Variants in IL10RB observed in about 807,000 individuals in gnomAD.
IL10RB encodes the protein interleukin-10 receptor subunit beta.
Under a neutral mutation model 38.7 loss-of-function variants are expected in IL10RB, and 30 were observed. The observed-to-expected ratio is 0.78, with a 90% CI of 0.58 to 1.05. The LOEUF (loss-of-function observed/expected upper bound fraction) is 1.05. Among genes scored for constraint, IL10RB ranks in the 50% least tolerant of loss-of-function variants. IL10RB has a pLI of 0.00. For synonymous variants in IL10RB, 142 were observed against 145.9 expected, an observed-to-expected ratio of 0.97 and a Z score of 0.19; for missense variants, 328 against 397.1, an observed-to-expected ratio of 0.83 and a Z score of 1.48.
chr21:33,280,525 A>T (rs1270822420), intron 4 of IL10RB, among the ~76,000 whole-genome samples: 1 of 152,194 alleles, frequency 6.6e-6, no homozygotes, highest in Non-Finnish European at 1.5e-5. Flanking sequence ...AATAATAGAA[A>T]ATATAAACTC....
chr21:33,280,975 A>G (rs1989270253), intron 4 of IL10RB, among the ~76,000 whole-genome samples: 1 of 152,228 alleles, frequency 6.6e-6, no homozygotes, highest in Admixed American at 6.5e-5. Flanking sequence ...TATAAACACT[A>G]GAAATTTATT....
At chr21:33,294,784 C>T (rs550474330) in intron 6 of IL10RB, among the ~76,000 whole-genome samples, 113 of 152,220 alleles carry the variant, frequency 7.4e-4, no homozygotes, top group African/African-American at 2.7e-3. Context: ...GAAGGTTCTC[C>T]GTCTAATTGT....
chr21:33,266,570 C>G, intron 1 of IL10RB, 56 bp downstream of exon 1: 1 of 1,506,442 alleles, frequency 6.6e-7, no homozygotes, highest in Non-Finnish European at 8.9e-7. Flanking sequence ...CCGCGAGATG[C>G]CGCCCCTGAT....
At chr21:33,279,671 T>C in intron 3 of IL10RB, 81 bp from the exon 4 acceptor site, 1 of 1,207,762 alleles carries the variant, frequency 8.3e-7, no homozygotes, top group South Asian at 1.2e-5. Flanking sequence ...GGACTAATTG[T>C]TCTGCATGGT....
chr21:33,307,933 C>T (rs1309747597), intron 1 of IL10RB, among the ~76,000 whole-genome samples: 1 of 152,172 alleles, frequency 6.6e-6, no homozygotes, highest in Non-Finnish European at 1.5e-5. Flanking sequence ...GCCCTTAGAA[C>T]AGTGCTTGGT....
At chr21:33,298,473 G>T (rs1410339970), downstream of IL10RB, among the ~76,000 whole-genome samples, 1 of 152,080 alleles carries the variant, frequency 6.6e-6, no homozygotes, top group Non-Finnish European at 1.5e-5. Flanking sequence ...AATTAGCCAG[G>T]CGTGGTGGTG....
rs1327003005 is a variant in IL10RB, at chr21:33,294,229, G to A, written c.805-1955G>A. 14 of 332,870 alleles carry A rather than the reference G, an allele frequency of 4.2e-5. No homozygotes were observed. In the Admixed American group the frequency reaches 5.2e-4, roughly 12 times the overall value. The allele number at this position is 332,870 out of a possible 1,614,324, so 20.6% of individuals were successfully genotyped here. A position where few individuals can be genotyped will look rare whatever the true frequency, so the allele number is the denominator to read the frequency against. Reference sequence around the variant, plus strand: ...CTCACATCACGACTTTCTCCAGCTTGACTCATAATGATAGAATCCATTAAC... The same window carrying A: ...CTCACATCACGACTTTCTCCAGCTTAACTCATAATGATAGAATCCATTAAC... On this transcript the variant is annotated intron_variant, in intron 6 of 6. Transcript: ENST00000290200.
At position 33,276,504 on chromosome 21, in the gene IL10RB, G is replaced by A. The variant is rs540965120; in HGVS notation, c.174-92G>A. On this transcript the variant is annotated intron_variant, in intron 2 of 6. Transcript: ENST00000290200. Reference sequence around the variant, plus strand: ...TATGTTTAACACAGTTTCCACTCCCGCGCCGCCCCCCCCTCCAAATTAAGT... The same window carrying A: ...TATGTTTAACACAGTTTCCACTCCCACGCCGCCCCCCCCTCCAAATTAAGT... 36 of 991,078 alleles carry A rather than the reference G, an allele frequency of 3.6e-5. No individual in the cohort carries two copies. The Admixed American group carries it at 4.3e-4, about 12-fold the overall frequency. The allele number at this position is 991,078 out of a possible 1,614,324, so 61.4% of individuals were successfully genotyped here. A position where few individuals can be genotyped will look rare whatever the true frequency, so the allele number is the denominator to read the frequency against.
At chr21:33,306,336 A>G (rs182889745) in intron 1 of IL10RB, among the ~76,000 whole-genome samples, 59 of 152,316 alleles carry the variant, frequency 3.9e-4, no homozygotes, top group African/African-American at 1.4e-3. Context: ...TTTATACTGA[A>G]AAGTTTTGTA....
intron 6 of IL10RB, among the ~76,000 whole-genome samples, chr21:33,291,478 C>A (rs1346951197): frequency 6.6e-6 from 1 of 152,146 alleles, no homozygotes; most frequent in Non-Finnish European, 1.5e-5. Flanking sequence ...GTTGGCCAGG[C>A]TGGTCTCAAA....
intron 2 of IL10RB, among the ~76,000 whole-genome samples, chr21:33,274,858 C>G (rs1393784783): frequency 6.6e-6 from 1 of 152,180 alleles, no homozygotes; most frequent in African/African-American, 2.4e-5. Flanking sequence ...GCTACATTAG[C>G]CCTTAACAAG....
intron 3 of IL10RB, among the ~76,000 whole-genome samples, chr21:33,278,902 C>T (rs773053529): frequency 2.6e-5 from 4 of 152,214 alleles, no homozygotes; most frequent in Non-Finnish European, 4.4e-5. Flanking sequence ...CAGGACATAA[C>T]TCAAACACCA....
intron 3 of IL10RB, among the ~76,000 whole-genome samples, chr21:33,278,976 T>C (rs1367311274): frequency 1.3e-5 from 2 of 152,236 alleles, no homozygotes; most frequent in African/African-American, 2.4e-5. Context: ...GTGTAACAGC[T>C]GCATTCTGAG....
chr21:33,277,017 G>A (rs1159697842), intron 3 of IL10RB, among the ~76,000 whole-genome samples: 2 of 149,138 alleles, frequency 1.3e-5, no homozygotes, highest in Non-Finnish European at 3.0e-5. Flanking sequence ...GTTGGGGCCC[G>A]TGCTGTTGAG....
intron 4 of IL10RB, 28 bp downstream of exon 4, chr21:33,279,946 G>A: frequency 6.2e-7 from 1 of 1,601,584 alleles, no homozygotes; most frequent in Non-Finnish European, 8.6e-7. Flanking sequence ...CATTTCAGAG[G>A]TAGTAGGCTT....
chr21:33,287,779 G>C (rs2123591650), intron 5 of IL10RB, among the ~76,000 whole-genome samples: 1 of 152,290 alleles, frequency 6.6e-6, no homozygotes, highest in East Asian at 1.9e-4. Context: ...AGTATCACTT[G>C]CTGTGTCAAG....
intron 2 of IL10RB, among the ~76,000 whole-genome samples, chr21:33,275,053 C>T (rs1989144423): frequency 6.6e-6 from 1 of 151,812 alleles, no homozygotes; most frequent in South Asian, 2.1e-4. Flanking sequence ...GCTGCAGCTT[C>T]TACATGGGCA....
chr21:33,306,571 G>A (rs1338450090), intron 1 of IL10RB, among the ~76,000 whole-genome samples: 1 of 152,034 alleles, frequency 6.6e-6, no homozygotes, highest in Non-Finnish European at 1.5e-5. Flanking sequence ...TTTGGGGGGT[G>A]GGGTTGTTTG....
At chr21:33,288,012 C>G (rs1989406874) in intron 5 of IL10RB, 92 bp from the exon 6 acceptor site, 2 of 1,219,744 alleles carry the variant, frequency 1.6e-6, no homozygotes, top group Non-Finnish European at 2.4e-6. Context: ...CGTACAGGCT[C>G]TGTTTTCAGG....
Sources: allele counts gnomAD v4.1 joint callset (sites outside exome capture counted in the v4.1 genomes callset), GRCh38; gene constraint gnomAD v4.1.1; transcripts MANE v1.5; gene names NCBI Gene and HGNC (gene_info 2026-07-23, HGNC 2026-07-21).